ITIH2: variants seen among roughly 807,000 people sequenced by gnomAD.
ITIH2 encodes inter-alpha-trypsin inhibitor heavy chain H2.
A neutral mutation model predicts 104.4 loss-of-function variants in ITIH2; 103 were observed. That is an observed-to-expected ratio of 0.99 (90% CI 0.84 to 1.16). The LOEUF (loss-of-function observed/expected upper bound fraction) is 1.16, where lower values mean the gene tolerates loss of function less well. Ranked by LOEUF, ITIH2 falls within the 50% of genes most tolerant of loss-of-function variation. ITIH2 has a pLI of 0.00. For synonymous variants in ITIH2, 436 were observed against 435.4 expected (o/e 1.00, Z -0.02); for missense variants, 1,108 against 1,162.4 (o/e 0.95, Z 0.68).
chr10:7,743,908 T>C (rs1835150766), intron 17 of ITIH2, among the ~76,000 whole-genome samples, 174 bp from the exon 18 acceptor site: 1 of 152,082 alleles, frequency 6.6e-6, no homozygotes. Flanking sequence ...ATAAATGTTA[T>C]ATTAACATGT....
Position 7,721,743 on chromosome 10 carries a change from A to C in ITIH2, c.833A>C (p.Asp278Ala), listed in dbSNP as rs1208434576. The stretch of plus-strand genomic sequence containing the variant: ...GATGGGGAACTGGTGGTGCTGTATG[A>C]CGTGAAAAGAGAAGAGAAGGCTGGT... ...AVDGELVVLY[D>A]VKREEKAGEL... The change falls in exon 8 of 21, where the codon GAC (aspartate) becomes GCC (alanine). Residue 278 changes from aspartate (D) to alanine (A), a missense_variant. Physicochemically the swap from Asp to Ala is moderately radical, Grantham distance 126 (BLOSUM62 -2). Coordinates refer to ENST00000358415, the MANE Select transcript of ITIH2 (RefSeq NM_002216.3). 1.2e-6 allele frequency: 2 copies of C among 1,613,944 alleles called. No individual in the cohort carries two copies. Among genetic ancestry groups the C allele is most frequent in the South Asian group, 1.1e-5 (1 of 91,088 alleles).
chr10:7,735,067 C>A lies in ITIH2; in HGVS notation c.1933C>A (p.Pro645Thr). ...GDERMLADAP[P>T]QDPSCCSGAL... ...TGAGCGCATGCTGGCGGATGCCCCACCGCAGGATCCCTCCTGCTGCTCAGG... is the reference window on the plus strand; with the variant it reads ...TGAGCGCATGCTGGCGGATGCCCCAACGCAGGATCCCTCCTGCTGCTCAGG... Residue 645 changes from proline (P) to threonine (T), a missense_variant, in exon 15 of 21, where the codon CCG (proline) becomes ACG (threonine). Coordinates refer to ENST00000358415, the MANE Select transcript of ITIH2 (RefSeq NM_002216.3). The A allele has an allele frequency of 6.2e-7, 1 of 1,610,590 alleles. No individual in the cohort carries two copies. Among genetic ancestry groups the A allele is most frequent in the South Asian group, 1.1e-5 (1 of 91,044 alleles).
Position 7,749,336 on chromosome 10 carries a change from G to C in ITIH2, c.*2G>C. ...TACAGCTTTCTCAAACGGCCTTAAA[G>C]GTTTATAGTTTGGGAAATTATATAT... On this transcript the variant is annotated 3_prime_UTR_variant, in exon 21 of 21. Transcript: ENST00000358415. The C allele has an allele frequency of 1.2e-6, 2 of 1,612,510 alleles. No homozygotes were observed. Among genetic ancestry groups the C allele is most frequent in the Non-Finnish European group, 1.7e-6 (2 of 1,179,074 alleles).
intron 6 of ITIH2, 61 bp from the exon 7 acceptor site, chr10:7,720,795 C>G (rs1035318985): frequency 1.0e-5 from 11 of 1,060,578 alleles, no homozygotes; most frequent in Non-Finnish European, 1.6e-5. Flanking sequence ...AATTTTACTT[C>G]TTGCTTAAAA....
rs1309663358 is a variant in ITIH2 at position 7,740,672 on chromosome 10, G to A, written c.2095+1914G>A. ...CTCTGTTGTATGATGTAGTGAAAAG[G>A]ATGAGGACTTCAAAGTTAGACAGTC... is the stretch of plus-strand genomic sequence containing the variant. On this transcript the variant is annotated intron_variant, in intron 16 of 20. Transcript: ENST00000358415. 4.6e-5 allele frequency among the ~76,000 whole-genome samples: 7 copies of A among 152,312 alleles called. No individual in the cohort carries two copies. The South Asian group carries it at 8.3e-4, about 18-fold the overall frequency.
intron 15 of ITIH2, 69 bp from the exon 16 acceptor site, chr10:7,738,552 T>G (rs1028401038): frequency 8.9e-6 from 14 of 1,575,522 alleles, no homozygotes; most frequent in South Asian, 1.1e-5. Flanking sequence ...AAACAGATTC[T>G]TGACATGGTG....
chr10:7,713,161 T>G lies in ITIH2; in HGVS notation c.363-20T>G. On this transcript the variant is annotated intron_variant, in intron 4 of 20. Coordinates refer to ENST00000358415, the MANE Select transcript of ITIH2 (RefSeq NM_002216.3). ...AAGATTACTATTCTGACCAACTGGT[T>G]ACCTTCTGTCATTTTCTAGGACTGT... 6.3e-7 allele frequency: 1 copy of G among 1,576,940 alleles called. No individual in the cohort carries two copies. The highest frequency in any genetic ancestry group is 1.1e-5 in the South Asian group (1 of 88,894).
intron 14 of ITIH2, among the ~76,000 whole-genome samples, chr10:7,733,148 C>T (rs7913110): frequency 0.32 from 48,416 of 151,672 alleles, 8,415 homozygotes; most frequent in African/African-American, 0.47. Flanking sequence ...CCCTCCTCCA[C>T]TGTAACCACT....
At chr10:7,741,421 A>G (rs937151353) in intron 16 of ITIH2, among the ~76,000 whole-genome samples, 1 of 151,564 alleles carries the variant, frequency 6.6e-6, no homozygotes, top group Non-Finnish European at 1.5e-5. Flanking sequence ...CTCGTGATCC[A>G]CCCGCCTCAG....
Position 7,727,005 on chromosome 10 carries a change from C to T in ITIH2, c.1040C>T (p.Ser347Phe), listed in dbSNP as rs146728457. ...LDDLRAEDHF[S>F]VIDFNQNIRT... ...GACCTCAGAGCAGAAGACCATTTCTCTGTGATTGATTTCAACCAGAACATT... is the reference window on the plus strand; with the variant it reads ...GACCTCAGAGCAGAAGACCATTTCTTTGTGATTGATTTCAACCAGAACATT... The change falls in exon 10 of 21, where the codon TCT becomes TTT. Residue 347 changes from serine (S) to phenylalanine (F), a missense_variant. By Grantham distance (155) the Ser-to-Phe change is radical. Transcript: ENST00000358415. 1 of 1,613,988 alleles carries T rather than the reference C, an allele frequency of 6.2e-7. No homozygotes were observed. The highest frequency in any genetic ancestry group is 1.1e-5 in the South Asian group (1 of 91,072).
intron 19 of ITIH2, among the ~76,000 whole-genome samples, chr10:7,745,383 C>G (rs1180019757): frequency 6.6e-6 from 1 of 152,062 alleles, no homozygotes; most frequent in African/African-American, 2.4e-5. Context: ...GAGCTATACT[C>G]TCAGGTGCTC....
intron 20 of ITIH2, among the ~76,000 whole-genome samples, chr10:7,747,865 C>G (rs1835194406): frequency 6.6e-6 from 1 of 152,078 alleles, no homozygotes; most frequent in Admixed American, 6.5e-5. Flanking sequence ...TGCCTCTGCA[C>G]TCCAGCTTGG....
chr10:7,744,694 T>C (rs1835158911), intron 18 of ITIH2, 97 bp from the exon 19 acceptor site: 1 of 982,012 alleles, frequency 1.0e-6, no homozygotes, highest in Admixed American at 2.8e-5. Flanking sequence ...CGGAATTGTC[T>C]GGGAGGAGTG....
chr10:7,727,917 A>C lies in ITIH2; in HGVS notation c.1279+89A>C. ...TGCCTAAAAGGGGAACTCTAATGGC[A>C]TTTGCCTGAGTTTCTAGAACATTTT... On this transcript the variant is annotated intron_variant, in intron 11 of 20. Coordinates refer to ENST00000358415, the MANE Select transcript of ITIH2 (RefSeq NM_002216.3). The C allele has an allele frequency of 2.8e-6, 4 of 1,437,772 alleles. No homozygotes were observed. The South Asian group carries it at 4.9e-5, about 17-fold the overall frequency. 89.1% of individuals were successfully genotyped at this position (1,437,772 alleles called of 1,614,324 possible).
At chr10:7,704,464 T>G (rs974843640) in intron 1 of ITIH2, among the ~76,000 whole-genome samples, 2 of 152,174 alleles carry the variant, frequency 1.3e-5, no homozygotes, top group Non-Finnish European at 2.9e-5. Flanking sequence ...ATTTTTAACT[T>G]GGGGAGATGT....
intron 8 of ITIH2, 57 bp from the exon 9 acceptor site, chr10:7,723,394 T>A: frequency 8.8e-7 from 1 of 1,138,194 alleles, no homozygotes; most frequent in Non-Finnish European, 1.3e-6. Context: ...GGTCCCCATC[T>A]TCCTACCTTC....
At chr10:7,746,125 G>A (rs1006513090) in intron 19 of ITIH2, among the ~76,000 whole-genome samples, 1 of 128,064 alleles carries the variant, frequency 7.8e-6, no homozygotes, top group Non-Finnish European at 1.6e-5. Context: ...GCTCACACCT[G>A]TAATCCCAGC....
At position 7,744,916 on chromosome 10, in the gene ITIH2, A is replaced by G. The variant is rs771290504; in HGVS notation, c.2534A>G (p.Tyr845Cys). 1 of 1,614,148 alleles carries G rather than the reference A, an allele frequency of 6.2e-7. No homozygotes were observed. Among genetic ancestry groups the G allele is most frequent in the East Asian group, 2.2e-5 (1 of 44,884 alleles). ...HPVNVDFLGI[Y>C]IPPTNKFSPK... The stretch of plus-strand genomic sequence containing the variant: ...GTCAATGTTGACTTTCTGGGAATCT[A>G]CATACCCCCTACAAACAAGTTCTCA... The change falls in exon 19 of 21, where the codon TAC becomes TGC. Residue 845 changes from tyrosine (Y) to cysteine (C), a missense_variant. Tyr to Cys is a radical substitution (Grantham distance 194, BLOSUM62 -2). Coordinates refer to ENST00000358415, the MANE Select transcript of ITIH2 (RefSeq NM_002216.3).
intron 9 of ITIH2, among the ~76,000 whole-genome samples, chr10:7,724,350 C>T (rs898204283): frequency 6.6e-6 from 1 of 152,022 alleles, no homozygotes; most frequent in Non-Finnish European, 1.5e-5. Flanking sequence ...GCAGGTGGAT[C>T]ACCTGAGGTT....
Sources: allele counts gnomAD v4.1 joint callset (sites outside exome capture counted in the v4.1 genomes callset), GRCh38; gene constraint gnomAD v4.1.1; transcripts MANE v1.5; gene names NCBI Gene and HGNC (gene_info 2026-07-23, HGNC 2026-07-21).